The following PXDNL variants were observed in gnomAD, a reference collection of about 807,000 sequenced individuals.
PXDNL encodes the protein probable oxidoreductase PXDNL.
In PXDNL, 145 loss-of-function variants were observed where a neutral mutation model predicts 150.8. The ratio of observed to expected loss-of-function variants is 0.96; its 90% CI spans 0.84 to 1.10. The LOEUF is 1.10. PXDNL is among the 50% of genes least tolerant of loss of function. PXDNL has a pLI of 0.00. For synonymous variants in PXDNL, 757 were observed against 725.7 expected, an observed-to-expected ratio of 1.04 and a Z score of -0.69; for missense variants, 2,087 against 1,873.9, an observed-to-expected ratio of 1.11 and a Z score of -2.10.
chr8:51,724,906 T>A (rs1394568730), intron 1 of PXDNL, among the ~76,000 whole-genome samples: 1 of 152,170 alleles, frequency 6.6e-6, no homozygotes, highest in Non-Finnish European at 1.5e-5. Flanking sequence ...AACTACCCCC[T>A]AATTGCTCCC....
At chr8:51,642,610 C>T (rs1276313888) in intron 2 of PXDNL, among the ~76,000 whole-genome samples, 1 of 152,130 alleles carries the variant, frequency 6.6e-6, no homozygotes, top group Non-Finnish European at 1.5e-5. Flanking sequence ...AAACTGGAAG[C>T]ATTCCCTTTG....
chr8:51,480,983 T>A (rs1258425019), intron 6 of PXDNL, among the ~76,000 whole-genome samples: 1 of 152,200 alleles, frequency 6.6e-6, no homozygotes, highest in Non-Finnish European at 1.5e-5. Context: ...AGTGGGGCAC[T>A]GCTGTAAAGA....
chr8:51,595,962 G>T (rs1184961852), intron 2 of PXDNL, among the ~76,000 whole-genome samples: 1 of 152,092 alleles, frequency 6.6e-6, no homozygotes, highest in Non-Finnish European at 1.5e-5. Context: ...TCGGTATATT[G>T]CATGATTCTG....
intron 1 of PXDNL, among the ~76,000 whole-genome samples, chr8:51,655,432 G>T (rs187193250): frequency 6.6e-6 from 1 of 152,244 alleles, no homozygotes; most frequent in Non-Finnish European, 1.5e-5. Context: ...ATAGTTCAGT[G>T]GGGGGATGTC....
chr8:51,711,779 G>T (rs1406279802), intron 1 of PXDNL, among the ~76,000 whole-genome samples: 2 of 152,178 alleles, frequency 1.3e-5, no homozygotes, highest in Non-Finnish European at 2.9e-5. Context: ...ATTTTATAAT[G>T]TGTCAACAAA....
rs148927649 is a variant in PXDNL at position 51,550,916 on chromosome 8, A to G, written c.380+5924T>C. ...TGATATGATTGTACCAGAAAACCCT[A>G]AAGGCTCATCCAAAGAGCTCTTAGA... On this transcript the variant is annotated intron_variant, in intron 4 of 22. Transcript: ENST00000356297. Among the ~76,000 whole-genome samples, 18 of 152,294 alleles carry G rather than the reference A, an allele frequency of 1.2e-4. 2 individuals carry two copies. The East Asian group carries it at 3.5e-3, about 29-fold the overall frequency.
At chr8:51,641,043 T>A (rs2130777183) in intron 2 of PXDNL, among the ~76,000 whole-genome samples, 1 of 152,112 alleles carries the variant, frequency 6.6e-6, no homozygotes, top group East Asian at 1.9e-4. Context: ...CCCTCAGAAA[T>A]AACGCCACAT....
intron 2 of PXDNL, among the ~76,000 whole-genome samples, chr8:51,632,790 G>T (rs557200059): frequency 6.6e-6 from 1 of 152,196 alleles, no homozygotes; most frequent in South Asian, 2.1e-4. Flanking sequence ...CAAATAGAAT[G>T]AATTTAGAAA....
chr8:51,770,003 T>C (rs2037274588), intron 1 of PXDNL, among the ~76,000 whole-genome samples: 1 of 152,220 alleles, frequency 6.6e-6, no homozygotes, highest in African/African-American at 2.4e-5. Context: ...AATGCTATTT[T>C]GTGAACATGC....
intron 1 of PXDNL, among the ~76,000 whole-genome samples, chr8:51,753,257 A>T (rs1453774789): frequency 6.6e-6 from 1 of 152,210 alleles, no homozygotes; most frequent in Non-Finnish European, 1.5e-5. Flanking sequence ...AAGACAAAAA[A>T]AAGAGGTATT....
At chr8:51,585,202 T>C (rs10107128) in intron 3 of PXDNL, among the ~76,000 whole-genome samples, 32,414 of 152,076 alleles carry the variant, frequency 0.21, 3,759 homozygotes, top group African/African-American at 0.29. Context: ...CACGTTAAGT[T>C]TGAAGCTCCT....
chr8:51,758,567 T>C (rs73590408), intron 1 of PXDNL, among the ~76,000 whole-genome samples: 6,152 of 152,272 alleles, frequency 0.04, 411 homozygotes, highest in African/African-American at 0.13. Context: ...CTGGAGATAA[T>C]TGGATCATGG....
intron 2 of PXDNL, among the ~76,000 whole-genome samples, chr8:51,601,877 G>A (rs1813730441): frequency 6.6e-6 from 1 of 151,538 alleles, no homozygotes; most frequent in Admixed American, 6.6e-5. Context: ...TTGTTTCCAT[G>A]TTTAGAACTT....
chr8:51,696,327 C>G (rs1286362886), intron 1 of PXDNL, among the ~76,000 whole-genome samples: 1 of 152,200 alleles, frequency 6.6e-6, no homozygotes, highest in Non-Finnish European at 1.5e-5. Flanking sequence ...AGGAAGAGGC[C>G]CAGATCTCTT....
rs1460552640 is a variant in PXDNL at position 51,449,242 on chromosome 8, C to A, written c.1250-124G>T. On this transcript the variant is annotated intron_variant, in intron 10 of 22. Transcript: ENST00000356297. ...GAATTTGTTTACAATTATATATAAACAAGGTTATAAAGAGTGTGGAGGTGC... is the reference window on the plus strand; with the variant it reads ...GAATTTGTTTACAATTATATATAAAAAAGGTTATAAAGAGTGTGGAGGTGC... 3 of 627,380 alleles carry A rather than the reference C, an allele frequency of 4.8e-6. No individual in the cohort carries two copies. The East Asian group carries it at 8.4e-5, about 18-fold the overall frequency. 38.9% of individuals were successfully genotyped at this position (627,380 alleles called of 1,614,324 possible). A position where few individuals can be genotyped will look rare whatever the true frequency, so the allele number is the denominator to read the frequency against.
intron 12 of PXDNL, among the ~76,000 whole-genome samples, chr8:51,442,756 T>G (rs1333876113): frequency 1.3e-5 from 2 of 152,162 alleles, no homozygotes; most frequent in African/African-American, 2.4e-5. Context: ...TTCTTTGATA[T>G]CTATGATTAC....
At chr8:51,649,873 G>A (rs1814997998) in intron 2 of PXDNL, among the ~76,000 whole-genome samples, 1 of 151,936 alleles carries the variant, frequency 6.6e-6, no homozygotes. Context: ...AGGCCGAGGT[G>A]GGTGGATCAC....
intron 21 of PXDNL, among the ~76,000 whole-genome samples, chr8:51,332,627 G>A (rs1370035590): frequency 6.6e-6 from 1 of 151,744 alleles, no homozygotes; most frequent in African/African-American, 2.4e-5. Context: ...GAAATAGAGT[G>A]CTTAAAGAAA....
At chr8:51,331,583 G>A (rs1805690515) in intron 21 of PXDNL, among the ~76,000 whole-genome samples, 1 of 152,080 alleles carries the variant, frequency 6.6e-6, no homozygotes, top group Non-Finnish European at 1.5e-5. Context: ...AAGCCTGAAA[G>A]CTTCTGGCAA....
Sources: allele counts gnomAD v4.1 joint callset (sites outside exome capture counted in the v4.1 genomes callset), GRCh38; gene constraint gnomAD v4.1.1; transcripts MANE v1.5; gene names NCBI Gene and HGNC (gene_info 2026-07-23, HGNC 2026-07-21).